Variants in WDR36 observed in about 807,000 individuals in gnomAD.
WDR36 encodes WD repeat-containing protein 36.
WDR36 carries 63 observed loss-of-function variants against 112.7 expected under a neutral mutation model. The ratio of observed to expected loss-of-function variants is 0.56; its 90% CI spans 0.46 to 0.69. The LOEUF (loss-of-function observed/expected upper bound fraction) is 0.69. WDR36 is among the 30% of genes least tolerant of loss of function. The pLI is 0.00. For synonymous variants in WDR36, 410 were observed against 362.2 expected (o/e 1.13, Z -1.50); for missense variants, 1,226 against 1,070.3 (o/e 1.15, Z -2.03).
chr5:111,113,881 A>G (rs973462297), intron 16 of WDR36, among the ~76,000 whole-genome samples: 9 of 152,158 alleles, frequency 5.9e-5, no homozygotes, highest in African/African-American at 1.9e-4. Flanking sequence ...CCCTTAATCC[A>G]TGAATGGGTT....
At position 111,110,853 on chromosome 5, in the gene WDR36, A is replaced by G; in HGVS notation, c.1507A>G (p.Ser503Gly). ...AAACCAGTTGACAGTTACAACTGGT[A>G]GTGAAGGATTACTCAAATTCTGGAA... ...GLNQLTVTTGSEGLLKFWNFK... is the reference protein window; with the variant it reads ...GLNQLTVTTGGEGLLKFWNFK... The change falls in exon 14 of 23, where the codon AGT (serine) becomes GGT (glycine). Residue 503 changes from serine to glycine, a missense_variant. Physicochemically the swap from Ser to Gly is moderately conservative, Grantham distance 56. Coordinates refer to ENST00000513710, the MANE Select transcript of WDR36 (RefSeq NM_139281.3). 6.2e-7 allele frequency: 1 copy of G among 1,611,610 alleles called. No homozygotes were observed. Among genetic ancestry groups the G allele is most frequent in the Non-Finnish European group, 8.5e-7 (1 of 1,178,364 alleles).
At chr5:111,123,682 A>G in intron 19 of WDR36, 123 bp from the exon 20 acceptor site, 2 of 1,286,770 alleles carry the variant, frequency 1.6e-6, no homozygotes, top group Non-Finnish European at 2.2e-6. Flanking sequence ...TAACATTCTT[A>G]TGTGAAAGAG....
chr5:111,104,784 T>C lies in WDR36; in HGVS notation c.994T>C (p.Tyr332His), dbSNP rs769703759. The C allele has an allele frequency of 8.1e-6, 13 of 1,611,252 alleles. No individual in the cohort carries two copies. The South Asian group carries it at 1.3e-4, about 16-fold the overall frequency. ...TGCTCCTCTTACCAATATCAGATAT[T>C]ATGGACAGAATGGACAGCAGATTCT... ...HSAPLTNIRYYGQNGQQILSA... is the reference protein window; with the variant it reads ...HSAPLTNIRYHGQNGQQILSA... Residue 332 changes from tyrosine (Y) to histidine (H), a missense_variant, in exon 9 of 23, where the codon TAT becomes CAT. Tyr to His is a moderately conservative substitution (Grantham distance 83). Transcript: ENST00000513710.
chr5:111,106,038 C>G lies in WDR36; in HGVS notation c.1094-19C>G. 1 of 1,571,514 alleles carries G rather than the reference C, an allele frequency of 6.4e-7. No individual in the cohort carries two copies. Among genetic ancestry groups the G allele is most frequent in the Non-Finnish European group, 8.8e-7 (1 of 1,142,566 alleles). Reference sequence around the variant, plus strand: ...GAAGGATTCATAGCTATGTATGTTCCCCTTTCCCCCATCCTTAGGATTAAT... The same window carrying G: ...GAAGGATTCATAGCTATGTATGTTCGCCTTTCCCCCATCCTTAGGATTAAT... On this transcript the variant is annotated intron_variant, in intron 10 of 22. Coordinates refer to ENST00000513710, the MANE Select transcript of WDR36 (RefSeq NM_139281.3).
intron 16 of WDR36, among the ~76,000 whole-genome samples, chr5:111,117,212 T>C (rs1047678871): frequency 6.6e-6 from 1 of 152,234 alleles, no homozygotes; most frequent in Non-Finnish European, 1.5e-5. Context: ...AATGGACAAT[T>C]AAACAGCAGT....
intron 17 of WDR36, among the ~76,000 whole-genome samples, chr5:111,119,579 C>G (rs930969771): frequency 2.6e-5 from 4 of 152,234 alleles, no homozygotes; most frequent in Non-Finnish European, 5.9e-5. Context: ...TGTAAAGATA[C>G]TTCAAATTCT....
chr5:111,098,843 A>G lies in WDR36; in HGVS notation c.409+4A>G, dbSNP rs767628767. ...ATTTGGCACATATATTCAGAAGGTA[A>G]GAGTTAACTCATTTATTTGCTTTAT... On this transcript the variant is annotated splice_donor_region_variant and intron_variant, in intron 4 of 22. Coordinates refer to ENST00000513710, the MANE Select transcript of WDR36 (RefSeq NM_139281.3). The G allele has an allele frequency of 8.4e-6, 13 of 1,540,856 alleles. No individual in the cohort carries two copies. The highest frequency in any genetic ancestry group is 1.1e-5 in the Non-Finnish European group (12 of 1,113,738).
intron 11 of WDR36, among the ~76,000 whole-genome samples, chr5:111,106,766 C>T (rs1347457172): frequency 6.6e-6 from 1 of 151,480 alleles, no homozygotes; most frequent in East Asian, 1.9e-4. Flanking sequence ...AATCTCATCT[C>T]CTTAACATGA....
chr5:111,094,030 A>C (rs1439008439), intron 1 of WDR36, among the ~76,000 whole-genome samples: 3 of 137,742 alleles, frequency 2.2e-5, no homozygotes, highest in African/African-American at 7.6e-5. Flanking sequence ...TGGGAGTAAA[A>C]AGAAAAAAAA....
intron 14 of WDR36, 81 bp from the exon 15 acceptor site, chr5:111,111,089 G>T: frequency 6.4e-7 from 1 of 1,561,196 alleles, no homozygotes; most frequent in Non-Finnish European, 8.8e-7. Flanking sequence ...AAGTGTACTT[G>T]ATTTAACAAA....
Position 111,103,767 on chromosome 5 carries a change from T to G in WDR36, c.598-19T>G, listed in dbSNP as rs1316285407. 6.2e-7 allele frequency: 1 copy of G among 1,610,148 alleles called. No individual in the cohort carries two copies. The highest frequency in any genetic ancestry group is 1.3e-5 in the African/African-American group (1 of 74,824). On this transcript the variant is annotated intron_variant, in intron 6 of 22. Transcript: ENST00000513710. ...TATTTTGCTTAAGAAAGTAAAAGTT[T>G]GAATAATTTAATTTTTAGGCACCAG...
rs193032017 is a variant in WDR36 at position 111,127,606 on chromosome 5, C to G, written c.*723C>G. 5.1e-4 allele frequency: 108 copies of G among 210,104 alleles called. No individual in the cohort carries two copies. Among genetic ancestry groups the G allele is most frequent in the Non-Finnish European group, 6.7e-4 (69 of 103,272 alleles). The allele number at this position is 210,104 out of a possible 1,614,324, so 13.0% of individuals were successfully genotyped here. On this transcript the variant is annotated 3_prime_UTR_variant, in exon 23 of 23. Coordinates refer to ENST00000513710, the MANE Select transcript of WDR36 (RefSeq NM_139281.3). Reference sequence around the variant, plus strand: ...CAGATTAAAACTTTCTAACAGTGGCCTAGTGCTTTCTCCATTGTAATGTAC... The same window carrying G: ...CAGATTAAAACTTTCTAACAGTGGCGTAGTGCTTTCTCCATTGTAATGTAC...
At chr5:111,124,986 A>G (rs1753648842) in intron 21 of WDR36, among the ~76,000 whole-genome samples, 1 of 152,214 alleles carries the variant, frequency 6.6e-6, no homozygotes, top group Admixed American at 6.5e-5. Flanking sequence ...TAGTCATTGC[A>G]GTTCTCAAAT....
intron 3 of WDR36, among the ~76,000 whole-genome samples, chr5:111,097,785 G>A (rs1485146622): frequency 6.6e-6 from 1 of 152,174 alleles, no homozygotes; most frequent in Non-Finnish European, 1.5e-5. Context: ...GTAGGAATGG[G>A]GGTACAAAGA....
At chr5:111,103,950 A>C (rs192158216) in intron 7 of WDR36, 32 bp downstream of exon 7, 175 of 1,607,958 alleles carry the variant, frequency 1.1e-4, no homozygotes, top group Non-Finnish European at 1.4e-4. Context: ...GATAGGAGTT[A>C]AGAACACTTA....
At chr5:111,116,929 G>A (rs1156522150) in intron 16 of WDR36, among the ~76,000 whole-genome samples, 5 of 152,184 alleles carry the variant, frequency 3.3e-5, no homozygotes, top group Non-Finnish European at 7.3e-5. Flanking sequence ...GTAAACTTTT[G>A]ATGAGTAATA....
At position 111,129,930 on chromosome 5, in the gene WDR36, T is replaced by G. The variant is rs1325190169; in HGVS notation, c.*3047T>G. The G allele has an allele frequency of 4.8e-6, 1 of 210,246 alleles. No homozygotes were observed. Among genetic ancestry groups the G allele is most frequent in the Non-Finnish European group, 9.6e-6 (1 of 103,636 alleles). The allele number at this position is 210,246 out of a possible 1,614,324, so 13.0% of individuals were successfully genotyped here. On this transcript the variant is annotated 3_prime_UTR_variant, in exon 23 of 23. Transcript: ENST00000513710. ...CAATATCTGTTCAAAATTCATTTATTGAAAAGTCCACTCATATGTCTGATT... is the reference window on the plus strand; with the variant it reads ...CAATATCTGTTCAAAATTCATTTATGGAAAAGTCCACTCATATGTCTGATT...
chr5:111,099,451 G>GGTTTTTTTTTT (rs1753068396), intron 4 of WDR36, among the ~76,000 whole-genome samples: 2 of 55,638 alleles, frequency 3.6e-5, no homozygotes, highest in African/African-American at 1.2e-4. Context: ...GTTTTTTTTT[G>GGTTTTTTTTTT]TTTTTTTTTT....
intron 16 of WDR36, among the ~76,000 whole-genome samples, chr5:111,118,130 C>G (rs565800307): frequency 6.6e-6 from 1 of 152,282 alleles, no homozygotes; most frequent in Non-Finnish European, 1.5e-5. Flanking sequence ...AAGATTAACA[C>G]AAACTCAGGT....
Sources: allele counts gnomAD v4.1 joint callset (sites outside exome capture counted in the v4.1 genomes callset), GRCh38; gene constraint gnomAD v4.1.1; transcripts MANE v1.5; gene names NCBI Gene and HGNC (gene_info 2026-07-23, HGNC 2026-07-21).